Variants in HELZ observed in about 807,000 individuals in gnomAD.
HELZ encodes the protein helicase with zinc finger, also known as ATP-dependent RNA helicase with zinc finger domain.
HELZ carries 23 observed loss-of-function variants against 218.2 expected under a neutral mutation model. That is an observed-to-expected ratio of 0.11 (90% CI 0.08 to 0.15). HELZ has a LOEUF of 0.15. HELZ is among the 10% of genes least tolerant of loss of function. The probability of loss-of-function intolerance (pLI) is 1.00; values close to 1 mark genes in which losing one functional copy is unlikely to be tolerated. For missense variants in HELZ, 1,813 were observed against 2,353.7 expected (o/e 0.77, Z 4.75); for synonymous variants, 814 against 829.4 (o/e 0.98, Z 0.32).
intron 22 of HELZ, among the ~76,000 whole-genome samples, chr17:67,136,948 C>T (rs965782759): frequency 3.3e-5 from 5 of 152,072 alleles, no homozygotes; most frequent in Non-Finnish European, 7.4e-5. Flanking sequence ...AATTTTACAT[C>T]ATACGCATTT....
chr17:67,124,058 G>A (rs1567820010), intron 24 of HELZ, 44 bp from the exon 25 acceptor site: 1 of 1,276,478 alleles, frequency 7.8e-7, no homozygotes, highest in Non-Finnish European at 1.1e-6. Context: ...AGCATGTTTA[G>A]TATTAGAAAA....
At chr17:67,086,640 A>T (rs1464435626) in intron 32 of HELZ, among the ~76,000 whole-genome samples, 189 bp downstream of exon 32, 1 of 93,186 alleles carries the variant, frequency 1.1e-5, no homozygotes, top group African/African-American at 3.5e-5. Context: ...AAATATATAT[A>T]TATATATATA....
rs1392893442 is a variant in HELZ, at chr17:67,108,425, C to T, written c.4724+67G>A. 2 of 1,215,934 alleles carry T rather than the reference C, an allele frequency of 1.6e-6. No individual in the cohort carries two copies. 75.3% of individuals were successfully genotyped at this position (1,215,934 alleles called of 1,614,324 possible). A position where few individuals can be genotyped will look rare whatever the true frequency, so the allele number is the denominator to read the frequency against. On this transcript the variant is annotated intron_variant, in intron 30 of 32. Coordinates refer to ENST00000358691, the MANE Select transcript of HELZ (RefSeq NM_014877.4). This position sits in a 1 kb window ranked among gnomAD's most constrained non-coding sequence, Gnocchi z 4.1. The stretch of plus-strand genomic sequence containing the variant: ...ATATTCCAGCTTGAAGCTAAAAGGA[C>T]TACAGTCAAAAAAGAGAACAGTGAG...
chr17:67,203,413 T>C lies in HELZ; in HGVS notation c.278A>G (p.Asp93Gly). Residue 93 changes from aspartate to glycine, a missense_variant, in exon 6 of 33, where the codon GAT (aspartate) becomes GGT (glycine). Physicochemically the swap from Asp to Gly is moderately conservative, Grantham distance 94. Coordinates refer to ENST00000358691, the MANE Select transcript of HELZ (RefSeq NM_014877.4). ...VLGEGLAKGE[D>G]AFRAVLCCMQ... is the part of the protein sequence containing the mutation. ...GCAGCAAAGCACTGCCCGAAAGGCATCTTCTCCCTTGGCCAGTCCTTCTCC... is the reference window on the plus strand; with the variant it reads ...GCAGCAAAGCACTGCCCGAAAGGCACCTTCTCCCTTGGCCAGTCCTTCTCC... 1 of 1,614,148 alleles carries C rather than the reference T, an allele frequency of 6.2e-7. No individual in the cohort carries two copies. The highest frequency in any genetic ancestry group is 8.5e-7 in the Non-Finnish European group (1 of 1,179,982).
chr17:67,206,897 T>TTTTTTTG (rs1417859493), intron 5 of HELZ, among the ~76,000 whole-genome samples: 1 of 122,186 alleles, frequency 8.2e-6, no homozygotes, highest in African/African-American at 3.1e-5. Flanking sequence ...CTATGCCGGG[T>TTTTTTTG]TTTTTTGTTT....
chr17:67,145,568 G>A (rs2038468342), intron 21 of HELZ, among the ~76,000 whole-genome samples, 175 bp downstream of exon 21: 1 of 152,046 alleles, frequency 6.6e-6, no homozygotes, highest in Admixed American at 6.6e-5. Flanking sequence ...TCCCATAGGA[G>A]ATTCATCTGA....
Position 67,123,020 on chromosome 17 carries a change from A to G in HELZ, c.3580T>C (p.Tyr1194His). The change falls in exon 26 of 33, where the codon TAT (tyrosine) becomes CAT (histidine). Residue 1194 changes from tyrosine (Y) to histidine (H), a missense_variant. Physicochemically the swap from Tyr to His is moderately conservative, Grantham distance 83 (BLOSUM62 2). Transcript: ENST00000358691. The part of the protein sequence containing the change: ...IDPHTGTSIL[Y>H]VPAVYGGNVV... ...TTCCCTCCATAGACAGCAGGTACAT[A>G]AAGAATACTTGTCCCAGTGTGAGGA... 6.2e-7 allele frequency: 1 copy of G among 1,613,870 alleles called. No homozygotes were observed. Among genetic ancestry groups the G allele is most frequent in the Non-Finnish European group, 8.5e-7 (1 of 1,179,750 alleles).
intron 23 of HELZ, among the ~76,000 whole-genome samples, chr17:67,134,976 GCT>G (rs1491489635): frequency 1.0e-3 from 153 of 147,912 alleles, no homozygotes; most frequent in Non-Finnish European, 3.1e-4. Flanking sequence ...CTGTTCGACT[GCT>G]TTTTTTTTTT....
At chr17:67,141,728 T>C (rs1169787162) in intron 21 of HELZ, among the ~76,000 whole-genome samples, 1 of 151,790 alleles carries the variant, frequency 6.6e-6, no homozygotes, top group African/African-American at 2.4e-5. Context: ...AGAAAATAAC[T>C]CAAAAAATAT....
chr17:67,221,983 G>A (rs2040759201), intron 3 of HELZ, among the ~76,000 whole-genome samples: 1 of 151,794 alleles, frequency 6.6e-6, no homozygotes, highest in Non-Finnish European at 1.5e-5. Flanking sequence ...GACTACAAGT[G>A]CATGCCACCA....
Position 67,086,944 on chromosome 17 carries a change from T to C in HELZ, c.5379A>G (p.Gln1793=), listed in dbSNP as rs1446290599. 3.7e-6 allele frequency: 6 copies of C among 1,613,660 alleles called. No homozygotes were observed. The highest frequency in any genetic ancestry group is 4.5e-5 in the East Asian group (2 of 44,860). The change falls in exon 32 of 33, where the codon CAA becomes CAG. Residue 1793 remains glutamine, a synonymous_variant. Transcript: ENST00000358691. The part of the protein sequence containing the change: ...QCKELQDHSN[Q]SSFNFSSPES... ...CCGGGGATGAAAAGTTGAAAGAAGA[T>C]TGGTTACTGTGGTCCTGAAGCTCTT...
intron 7 of HELZ, among the ~76,000 whole-genome samples, chr17:67,198,102 C>T (rs139860329): frequency 2.2e-4 from 34 of 152,248 alleles, no homozygotes; most frequent in African/African-American, 7.9e-4. Flanking sequence ...TAAAAATTAA[C>T]TGCAAGTAGG....
chr17:67,172,952 C>T, intron 13 of HELZ: 1 of 563,870 alleles, frequency 1.8e-6, no homozygotes, highest in South Asian at 7.8e-5. Context: ...TGAGAATCAC[C>T]ATCCCAAAAC....
At chr17:67,125,029 G>GA (rs34489855) in intron 24 of HELZ, among the ~76,000 whole-genome samples, 73,961 of 149,114 alleles carry the variant, frequency 0.5, 19,008 homozygotes, top group East Asian at 0.87. Flanking sequence ...TCTACAGCAG[G>GA]AAAAAAAAAT....
At chr17:67,191,096 T>G (rs906038372) in intron 9 of HELZ, among the ~76,000 whole-genome samples, 1 of 150,416 alleles carries the variant, frequency 6.6e-6, no homozygotes, top group East Asian at 1.9e-4. Context: ...GATAAGGACC[T>G]TAAAAAAATT....
At chr17:67,213,769 A>G (rs1306464048) in intron 5 of HELZ, among the ~76,000 whole-genome samples, 8 of 152,244 alleles carry the variant, frequency 5.3e-5, no homozygotes, top group Admixed American at 4.6e-4. Flanking sequence ...CCAGAAAACT[A>G]GAACCACCTA....
intron 9 of HELZ, among the ~76,000 whole-genome samples, chr17:67,192,214 A>C (rs1332299237): frequency 6.6e-6 from 1 of 152,102 alleles, no homozygotes; most frequent in African/African-American, 2.4e-5. Context: ...AAAATAAAAA[A>C]AAATACATAA....
rs934234970 is a variant in HELZ at position 67,075,775 on chromosome 17, A to G, written c.*2477T>C. 6.6e-6 allele frequency: 1 copy of G among 152,572 alleles called. No homozygotes were observed. The highest frequency in any genetic ancestry group is 2.4e-5 in the African/African-American group (1 of 41,462). The allele number at this position is 152,572 out of a possible 1,614,324, so 9.5% of individuals were successfully genotyped here. ...AAGAGTATCAGATGGAAGCAGCGTT[A>G]GAATCCTTGACTGGCTATGGAAATA... On this transcript the variant is annotated 3_prime_UTR_variant, in exon 33 of 33. Coordinates refer to ENST00000358691, the MANE Select transcript of HELZ (RefSeq NM_014877.4).
At chr17:67,209,219 A>G (rs1025388285) in intron 5 of HELZ, among the ~76,000 whole-genome samples, 1 of 151,962 alleles carries the variant, frequency 6.6e-6, no homozygotes, top group Admixed American at 6.6e-5. Context: ...CTGAGGCACA[A>G]TCTTTTTCAT....
Sources: gnomAD v4.1 joint callset for allele counts (sites outside exome capture counted in the v4.1 genomes callset) on GRCh38, gnomAD v4.1.1 for gene constraint, Gnocchi (gnomAD v3.1) non-coding constraint, MANE v1.5 for transcripts, NCBI Gene and HGNC (gene_info 2026-07-23, HGNC 2026-07-21) for gene names.